Variants in CACNA1C observed in about 807,000 individuals in gnomAD.
CACNA1C encodes voltage-dependent L-type calcium channel subunit alpha-1C.
In CACNA1C, 30 loss-of-function variants were observed where a neutral mutation model predicts 229.0. The observed-to-expected ratio is 0.13, with a 90% CI of 0.10 to 0.18. CACNA1C has a LOEUF of 0.18. Ranked by LOEUF, CACNA1C falls within the 10% of genes least tolerant of loss-of-function variation. The pLI is 1.00. For missense variants in CACNA1C, 1,658 were observed against 2,845.0 expected (o/e 0.58, Z 9.49); for synonymous variants, 1,114 against 1,132.5 (o/e 0.98, Z 0.33).
chr12:2,422,548 TA>T (rs1207122245), intron 3 of CACNA1C, among the ~76,000 whole-genome samples: 1 of 152,112 alleles, frequency 6.6e-6, no homozygotes, highest in Non-Finnish European at 1.5e-5. Flanking sequence ...TGAAGTACCA[TA>T]GGATGGCCAT....
At chr12:2,106,248 G>A (rs113648227) in intron 1 of CACNA1C, among the ~76,000 whole-genome samples, 16 of 43,314 alleles carry the variant, frequency 3.7e-4, no homozygotes, top group South Asian at 9.3e-4. Flanking sequence ...TGAGCTGGGC[G>A]TCCTGAAGCC....
At chr12:2,105,252 T>C (rs1200680826) in intron 1 of CACNA1C, among the ~76,000 whole-genome samples, 1 of 152,190 alleles carries the variant, frequency 6.6e-6, no homozygotes, top group East Asian at 1.9e-4. Flanking sequence ...CCAGCCTTCA[T>C]GTAGTCATCA....
intron 29 of CACNA1C, among the ~76,000 whole-genome samples, chr12:2,629,820 C>T (rs2089466593): frequency 6.6e-6 from 1 of 152,216 alleles, no homozygotes; most frequent in Non-Finnish European, 1.5e-5. Flanking sequence ...TTGTTCCTTC[C>T]CAGCAATGAT....
intron 1 of CACNA1C, among the ~76,000 whole-genome samples, chr12:2,094,527 A>G (rs925945307): frequency 6.6e-6 from 1 of 152,204 alleles, no homozygotes. Flanking sequence ...TCCAGCACCC[A>G]CTAGTGAATT....
At chr12:2,518,494 G>A (rs1396434448) in intron 9 of CACNA1C, among the ~76,000 whole-genome samples, 2 of 152,086 alleles carry the variant, frequency 1.3e-5, no homozygotes, top group East Asian at 1.9e-4. Flanking sequence ...TGTAGTCCCA[G>A]CTACTTGAGA....
chr12:2,281,001 G>A (rs2091033483), intron 3 of CACNA1C, among the ~76,000 whole-genome samples: 1 of 152,130 alleles, frequency 6.6e-6, no homozygotes, highest in Non-Finnish European at 1.5e-5. Context: ...TAGGGTACAT[G>A]TGCACAACGT....
chr12:2,066,304 T>C lies in CACNA1C; in HGVS notation c.49+12693T>C, dbSNP rs148859822. Among the ~76,000 whole-genome samples, 85 of 151,782 alleles carry C rather than the reference T, an allele frequency of 5.6e-4. 2 individuals carry two copies. In the East Asian group the frequency reaches 0.016, roughly 28 times the overall value. On this transcript the variant is annotated intron_variant, in intron 1 of 46. Transcript: ENST00000399655. Reference sequence around the variant, plus strand: ...ATTTGAAGCTGTGGAGGTGGAGCCATTGGGGAGAGAGAGAGCAGAGGGAAG... The same window carrying C: ...ATTTGAAGCTGTGGAGGTGGAGCCACTGGGGAGAGAGAGAGCAGAGGGAAG...
At chr12:2,484,695 C>T (rs530533797) in intron 5 of CACNA1C, among the ~76,000 whole-genome samples, 7 of 149,202 alleles carry the variant, frequency 4.7e-5, no homozygotes, top group East Asian at 4.0e-4. Context: ...ACTTGGAAGA[C>T]GTCCCCCACC....
chr12:2,598,890 A>T (rs1208213046), intron 21 of CACNA1C, among the ~76,000 whole-genome samples: 1 of 152,192 alleles, frequency 6.6e-6, no homozygotes, highest in Non-Finnish European at 1.5e-5. Context: ...CGTGGAGAGT[A>T]GATCTGACCA....
At chr12:2,223,189 C>CTT (rs1372995240) in intron 3 of CACNA1C, among the ~76,000 whole-genome samples, 1 of 152,158 alleles carries the variant, frequency 6.6e-6, no homozygotes, top group African/African-American at 2.4e-5. Flanking sequence ...ACTGGGGAGT[C>CTT]ACACCTCCAA....
Position 2,244,897 on chromosome 12 carries a change from AAAAC to A in CACNA1C, c.477+124473_477+124476del, listed in dbSNP as rs1041231649. Among the ~76,000 whole-genome samples the A allele has an allele frequency of 9.2e-5, 14 of 152,232 alleles. 1 individual carries two copies. The highest frequency in any genetic ancestry group is 5.2e-4 in the Admixed American group (8 of 15,286). ...GGGAAGACTTTACTTTTATCAACAA[AAAAC>A]AAACAGAGTAAACTGTAAACCCAGA... On this transcript the variant is annotated intron_variant, in intron 3 of 46. Coordinates refer to ENST00000399655, the MANE Select transcript of CACNA1C (RefSeq NM_000719.7).
In CACNA1C at chr12:2,602,504, T is replaced by C. The variant is rs2073003473; in HGVS notation, c.2960+544T>C. 6.6e-6 allele frequency among the ~76,000 whole-genome samples: 1 copy of C among 152,074 alleles called. No individual in the cohort carries two copies. Among genetic ancestry groups the C allele is most frequent in the African/African-American group, 2.4e-5 (1 of 41,382 alleles). On this transcript the variant is annotated intron_variant, in intron 22 of 46. Transcript: ENST00000399655. This position sits in a 1 kb window ranked among gnomAD's most constrained non-coding sequence, Gnocchi z 4.4. The stretch of plus-strand genomic sequence containing the variant: ...GGATGTGTGTTTGTGGCTGTGTGTA[T>C]GTGTGTGTATGTATGTGTTTGTGTT...
At chr12:2,436,929 A>G (rs1249471051) in intron 3 of CACNA1C, among the ~76,000 whole-genome samples, 1 of 152,200 alleles carries the variant, frequency 6.6e-6, no homozygotes, top group Non-Finnish European at 1.5e-5. Flanking sequence ...TCTTGTCATC[A>G]ATTAGCTGTC....
intron 1 of CACNA1C, among the ~76,000 whole-genome samples, chr12:2,066,225 A>C (rs949498084): frequency 1.3e-5 from 2 of 152,042 alleles, no homozygotes; most frequent in African/African-American, 2.4e-5. Flanking sequence ...TTTGGAGGCA[A>C]GTAGAAGATG....
chr12:2,259,995 C>G (rs2079453335), intron 3 of CACNA1C, among the ~76,000 whole-genome samples: 1 of 152,122 alleles, frequency 6.6e-6, no homozygotes, highest in Non-Finnish European at 1.5e-5. Context: ...GAGAATCCCC[C>G]TCTCCCCACC....
In CACNA1C at chr12:2,608,144, C is replaced by A. The variant is rs57246439; in HGVS notation, c.3357-367C>A. 0.011 allele frequency: 1,967 copies of A among 175,532 alleles called. 41 individuals carry two copies. Among genetic ancestry groups the A allele is most frequent in the African/African-American group, 0.043 (1,815 of 42,394 alleles). The allele number at this position is 175,532 out of a possible 1,614,324, so 10.9% of individuals were successfully genotyped here. ...CTTCTAACATTCTCTGAGCTCATGC[C>A]AGTTTGCAAAGCTGTCTCAATATTT... On this transcript the variant is annotated intron_variant, in intron 26 of 46. Coordinates refer to ENST00000399655, the MANE Select transcript of CACNA1C (RefSeq NM_000719.7). This position sits in a 1 kb window ranked among gnomAD's most constrained non-coding sequence, Gnocchi z 4.2.
At position 2,092,936 on chromosome 12, in the gene CACNA1C, C is replaced by T. The variant is rs1451644680; in HGVS notation, c.50-22288C>T. Reference sequence around the variant, plus strand: ...ATCATATCTTCTGGCCTCTTCCCTTCACCTAAAACCATTGCCCTTGGGAGT... The same window carrying T: ...ATCATATCTTCTGGCCTCTTCCCTTTACCTAAAACCATTGCCCTTGGGAGT... On this transcript the variant is annotated intron_variant, in intron 1 of 46. Transcript: ENST00000399655. Among the ~76,000 whole-genome samples the T allele has an allele frequency of 2.0e-5, 3 of 152,334 alleles. No homozygotes were observed. The East Asian group carries it at 5.8e-4, about 29-fold the overall frequency.
At chr12:2,290,479 T>C (rs2093364469) in intron 3 of CACNA1C, among the ~76,000 whole-genome samples, 1 of 152,146 alleles carries the variant, frequency 6.6e-6, no homozygotes, top group Non-Finnish European at 1.5e-5. Context: ...GGATTAGTGC[T>C]GGTTGGGGGC....
intron 3 of CACNA1C, among the ~76,000 whole-genome samples, chr12:2,176,989 C>T (rs1444146940): frequency 6.6e-6 from 1 of 152,140 alleles, no homozygotes; most frequent in East Asian, 1.9e-4. Flanking sequence ...GGAGGGTGAC[C>T]CCTCCACCCA....
Sources: allele counts gnomAD v4.1 joint callset (sites outside exome capture counted in the v4.1 genomes callset), GRCh38; gene constraint gnomAD v4.1.1; non-coding constraint Gnocchi (gnomAD v3.1); transcripts MANE v1.5; gene names NCBI Gene and HGNC (gene_info 2026-07-23, HGNC 2026-07-21).